NMNAT2: variants seen among roughly 807,000 people sequenced by gnomAD.
NMNAT2 encodes the protein nicotinamide nucleotide adenylyltransferase 2.
A neutral mutation model predicts 41.6 loss-of-function variants in NMNAT2; 11 were observed. That is an observed-to-expected ratio of 0.26 (90% CI 0.17 to 0.44). The LOEUF is 0.44. Among genes scored for constraint, NMNAT2 ranks in the 20% least tolerant of loss-of-function variants. The pLI is 1.00. For synonymous variants in NMNAT2, 148 were observed against 151.2 expected (o/e 0.98, Z 0.16); for missense variants, 288 against 407.7 (o/e 0.71, Z 2.53).
chr1:183,303,228 C>T (rs1293072598), intron 1 of NMNAT2, among the ~76,000 whole-genome samples: 1 of 152,112 alleles, frequency 6.6e-6, no homozygotes, highest in Non-Finnish European at 1.5e-5. Context: ...CTTTGCAAAA[C>T]TGAGGGGAAG....
intron 1 of NMNAT2, among the ~76,000 whole-genome samples, chr1:183,380,022 T>C (rs1273274175): frequency 2.0e-5 from 3 of 152,246 alleles, no homozygotes; most frequent in African/African-American, 7.2e-5. Context: ...CTGAGAGATA[T>C]TATGAGAAAC....
intron 1 of NMNAT2, among the ~76,000 whole-genome samples, chr1:183,343,881 A>G (rs1264973250): frequency 6.6e-6 from 1 of 152,108 alleles, no homozygotes; most frequent in Non-Finnish European, 1.5e-5. Context: ...TCACCTCCCT[A>G]TCCAGCCTCT....
chr1:183,290,139 C>T lies in NMNAT2; in HGVS notation c.310G>A (p.Asp104Asn). 6.3e-7 allele frequency: 1 copy of T among 1,579,300 alleles called. No individual in the cohort carries two copies. The highest frequency in any genetic ancestry group is 8.6e-7 in the Non-Finnish European group (1 of 1,161,294). ...TTGGCCCAGCTCACCTTCATGAGGT[C>T]CCGGTGGTGTTCCAACACGCTGCAG... Reference protein sequence around the residue: ...TTCSVLEHHRDLMKRVTGCIL... With the variant: ...TTCSVLEHHRNLMKRVTGCIL... The change falls in exon 4 of 11, where the codon GAC becomes AAC. Residue 104 changes from aspartate (D) to asparagine (N), a missense_variant. Coordinates refer to ENST00000287713, the MANE Select transcript of NMNAT2 (RefSeq NM_015039.4).
intron 5 of NMNAT2, 66 bp from the exon 6 acceptor site, chr1:183,284,856 T>C: frequency 7.3e-7 from 1 of 1,374,354 alleles, no homozygotes; most frequent in Admixed American, 1.7e-5. Flanking sequence ...GGCACTCATG[T>C]CGGCCCGGCA....
chr1:183,406,286 C>G (rs1032484914), intron 1 of NMNAT2, among the ~76,000 whole-genome samples: 2 of 152,180 alleles, frequency 1.3e-5, no homozygotes, highest in Admixed American at 6.5e-5. Flanking sequence ...ATAAAAAGAA[C>G]TAGAGCTTGT....
chr1:183,378,539 G>T (rs548977195), intron 1 of NMNAT2, among the ~76,000 whole-genome samples: 1 of 151,770 alleles, frequency 6.6e-6, no homozygotes, highest in South Asian at 2.1e-4. Flanking sequence ...TGGGCAACAA[G>T]AGTGAGACTG....
intron 1 of NMNAT2, among the ~76,000 whole-genome samples, chr1:183,383,202 C>T (rs1304396089): frequency 2.6e-5 from 4 of 152,206 alleles, no homozygotes; most frequent in East Asian, 1.9e-4. Flanking sequence ...ATTTTAGCCA[C>T]GGCTGGAGCT....
intron 1 of NMNAT2, among the ~76,000 whole-genome samples, chr1:183,382,954 C>T (rs1663833609): frequency 6.6e-6 from 1 of 152,198 alleles, no homozygotes; most frequent in Non-Finnish European, 1.5e-5. Flanking sequence ...GTGGGGGCTC[C>T]AATCCCACAT....
intron 1 of NMNAT2, among the ~76,000 whole-genome samples, chr1:183,388,885 G>A (rs1297764589): frequency 6.6e-6 from 1 of 152,168 alleles, no homozygotes; most frequent in Non-Finnish European, 1.5e-5. Flanking sequence ...GGGCTTTGAA[G>A]ATCCTCACCA....
chr1:183,317,865 T>C (rs906744163), intron 1 of NMNAT2, among the ~76,000 whole-genome samples: 2 of 152,098 alleles, frequency 1.3e-5, no homozygotes, highest in Admixed American at 1.3e-4. Flanking sequence ...TTGACCAGTG[T>C]CCAAAAGAAA....
At chr1:183,296,290 A>T (rs1441933455) in intron 1 of NMNAT2, among the ~76,000 whole-genome samples, 1 of 152,110 alleles carries the variant, frequency 6.6e-6, no homozygotes, top group Non-Finnish European at 1.5e-5. Flanking sequence ...ATTCATGTGC[A>T]GGTTTTTGTG....
intron 4 of NMNAT2, among the ~76,000 whole-genome samples, chr1:183,289,798 A>G (rs1317261118): frequency 6.6e-6 from 1 of 152,128 alleles, no homozygotes; most frequent in Non-Finnish European, 1.5e-5. Context: ...CTGAAGTCCT[A>G]TCACTGTGGT....
chr1:183,305,659 GT>G (rs1299543638), intron 1 of NMNAT2, among the ~76,000 whole-genome samples: 4 of 151,432 alleles, frequency 2.6e-5, no homozygotes, highest in Non-Finnish European at 5.9e-5. Flanking sequence ...TTTTTGAAAG[GT>G]CAGTAGTTGC....
At chr1:183,336,521 C>T (rs1427551847) in intron 1 of NMNAT2, among the ~76,000 whole-genome samples, 1 of 152,156 alleles carries the variant, frequency 6.6e-6, no homozygotes, top group Non-Finnish European at 1.5e-5. Context: ...CATATCACTT[C>T]ATATGGATTT....
chr1:183,256,298 A>G (rs1660514367), intron 10 of NMNAT2, among the ~76,000 whole-genome samples: 1 of 151,990 alleles, frequency 6.6e-6, no homozygotes, highest in African/African-American at 2.4e-5. Flanking sequence ...AATCCCAGCT[A>G]CTTAGGAGGC....
intron 1 of NMNAT2, among the ~76,000 whole-genome samples, chr1:183,403,941 T>G (rs1243759520): frequency 6.6e-6 from 1 of 152,066 alleles, no homozygotes; most frequent in Non-Finnish European, 1.5e-5. Context: ...CCAAACAGGA[T>G]TTGTTTAATT....
intron 1 of NMNAT2, among the ~76,000 whole-genome samples, chr1:183,390,547 A>T (rs1648449091): frequency 6.6e-6 from 1 of 152,090 alleles, no homozygotes; most frequent in Admixed American, 6.5e-5. Context: ...TATACTTAAA[A>T]CCCAAATTGA....
At chr1:183,283,814 G>T (rs1392448685) in intron 7 of NMNAT2, 181 bp downstream of exon 7, 3 of 668,886 alleles carry the variant, frequency 4.5e-6, no homozygotes, top group Admixed American at 4.2e-5. Context: ...CCAGTTAAGA[G>T]ATGTTAAAGG....
chr1:183,407,182 C>T (rs1055426155), intron 1 of NMNAT2, among the ~76,000 whole-genome samples: 19 of 152,170 alleles, frequency 1.2e-4, no homozygotes, highest in Non-Finnish European at 2.2e-4. Flanking sequence ...CCCATGCACC[C>T]GCCTGAAGTG....
Sources: allele counts gnomAD v4.1 joint callset (sites outside exome capture counted in the v4.1 genomes callset), GRCh38; gene constraint gnomAD v4.1.1; transcripts MANE v1.5; gene names NCBI Gene and HGNC (gene_info 2026-07-23, HGNC 2026-07-21).